SFMBT1: variants seen among roughly 807,000 people sequenced by gnomAD.
SFMBT1 encodes scm-like with four MBT domains protein 1.
In SFMBT1, 32 loss-of-function variants were observed where a neutral mutation model predicts 108.7. The observed-to-expected ratio is 0.29, with a 90% CI of 0.22 to 0.40. The LOEUF (loss-of-function observed/expected upper bound fraction) is 0.40, where lower values mean the gene tolerates loss of function less well. Among genes scored for constraint, SFMBT1 ranks in the 10% least tolerant of loss-of-function variants. SFMBT1 has a pLI of 1.00. For missense variants in SFMBT1, 816 were observed against 1,059.6 expected (o/e 0.77, Z 3.19); for synonymous variants, 348 against 369.5 (o/e 0.94, Z 0.67).
intron 15 of SFMBT1, 47 bp from the exon 16 acceptor site, chr3:52,912,694 C>A: frequency 2.2e-6 from 3 of 1,384,464 alleles, no homozygotes; most frequent in Non-Finnish European, 3.1e-6. Flanking sequence ...AGGAGAAAAG[C>A]AGACCATTAG....
intron 1 of SFMBT1, among the ~76,000 whole-genome samples, chr3:53,000,675 T>C (rs1698516207): frequency 6.7e-6 from 1 of 149,914 alleles, no homozygotes; most frequent in Non-Finnish European, 1.5e-5. Context: ...AAAACGTAAA[T>C]TAGTACAGGT....
At chr3:53,030,278 G>C (rs923738431) in intron 1 of SFMBT1, among the ~76,000 whole-genome samples, 3 of 152,036 alleles carry the variant, frequency 2.0e-5, no homozygotes, top group African/African-American at 7.2e-5. Flanking sequence ...TTTTAATATG[G>C]ATGCGGAAAT....
chr3:52,968,705 T>C (rs1704235877), intron 2 of SFMBT1, among the ~76,000 whole-genome samples: 1 of 150,764 alleles, frequency 6.6e-6, no homozygotes, highest in Non-Finnish European at 1.5e-5. Context: ...GTTCACACCA[T>C]TCTCCTGCCC....
At chr3:52,937,586 T>A (rs1194370398) in intron 4 of SFMBT1, among the ~76,000 whole-genome samples, 2 of 152,094 alleles carry the variant, frequency 1.3e-5, no homozygotes, top group Admixed American at 6.5e-5. Context: ...AAATGATTCA[T>A]TCTTTTTTTT....
chr3:53,004,242 C>CT (rs1698661298), intron 1 of SFMBT1, among the ~76,000 whole-genome samples: 1 of 104,726 alleles, frequency 9.5e-6, no homozygotes, highest in South Asian at 5.0e-4. Flanking sequence ...TCCTCCTTCC[C>CT]TTCTTTCTTC....
rs757567961 is a variant in SFMBT1, at chr3:52,905,217, G to C, written c.2520C>G (p.Asp840Glu). The C allele has an allele frequency of 6.2e-7, 1 of 1,614,100 alleles. No individual in the cohort carries two copies. The highest frequency in any genetic ancestry group is 8.5e-7 in the Non-Finnish European group (1 of 1,179,984). ...GTTTGATGGCAGGGCCCAATTTTAA[G>C]TCCATGCATTCTTGAACAGTGGGAA... ...LTLPTVQECM[D>E]LKLGPAIKLC... The change falls in exon 21 of 21, where the codon GAC becomes GAG. Residue 840 changes from aspartate to glutamate, a missense_variant. Physicochemically the swap from Asp to Glu is conservative, Grantham distance 45 (BLOSUM62 2). Coordinates refer to ENST00000394752, the MANE Select transcript of SFMBT1 (RefSeq NM_016329.4).
chr3:52,982,859 GAA>G (rs76764384), intron 1 of SFMBT1, among the ~76,000 whole-genome samples: 90,227 of 150,950 alleles, frequency 0.6, 27,339 homozygotes, highest in Middle Eastern at 0.67. Flanking sequence ...TGCCAATAAA[GAA>G]GAAGATGTAG....
intron 3 of SFMBT1, among the ~76,000 whole-genome samples, chr3:52,946,029 C>A (rs983960299): frequency 6.6e-6 from 1 of 152,140 alleles, no homozygotes; most frequent in Non-Finnish European, 1.5e-5. Context: ...TATCATGCAG[C>A]CTTGATTTCA....
At chr3:52,916,840 T>A (rs1012109768) in intron 13 of SFMBT1, among the ~76,000 whole-genome samples, 8 of 152,148 alleles carry the variant, frequency 5.3e-5, no homozygotes, top group East Asian at 1.9e-4. Context: ...GGCAAAAAAA[T>A]TACAAAATTT....
intron 3 of SFMBT1, among the ~76,000 whole-genome samples, chr3:52,952,419 C>A (rs1703626587): frequency 6.6e-6 from 1 of 152,108 alleles, no homozygotes. Flanking sequence ...AACTGTTCAC[C>A]CCAAAATTTG....
chr3:52,999,922 A>T (rs1469653687), intron 1 of SFMBT1, among the ~76,000 whole-genome samples: 3 of 150,064 alleles, frequency 2.0e-5, no homozygotes, highest in African/African-American at 7.3e-5. Context: ...GCAGTGGCAC[A>T]ATCTCGGCTC....
In SFMBT1 at chr3:53,019,128, GA is replaced by G. The variant is rs1273622036; in HGVS notation, c.-131+26687del. 1.6e-4 allele frequency: 24 copies of G among 152,146 alleles called. No homozygotes were observed. In the East Asian group the frequency reaches 4.2e-3, roughly 27 times the overall value. 9.4% of individuals were successfully genotyped at this position (152,146 alleles called of 1,614,324 possible). On this transcript the variant is annotated intron_variant, in intron 1 of 20. Coordinates refer to ENST00000394752, the MANE Select transcript of SFMBT1 (RefSeq NM_016329.4). ...AACACAGTGAGACTTCGTTTCTACA[GA>G]AAAAAATTTTTTTAATTAACTGGAT...
At chr3:53,006,324 T>C (rs530962413) in intron 1 of SFMBT1, among the ~76,000 whole-genome samples, 3 of 152,186 alleles carry the variant, frequency 2.0e-5, no homozygotes, top group Non-Finnish European at 2.9e-5. Context: ...AGGGGATGTT[T>C]ACTTTAGCAA....
At chr3:53,004,342 A>C (rs1397381717) in intron 1 of SFMBT1, among the ~76,000 whole-genome samples, 1 of 147,222 alleles carries the variant, frequency 6.8e-6, no homozygotes, top group Non-Finnish European at 1.5e-5. Context: ...GCGTGATCTC[A>C]GCTCACTGAA....
intron 1 of SFMBT1, among the ~76,000 whole-genome samples, chr3:52,989,669 C>T (rs868385487): frequency 2.0e-5 from 3 of 151,258 alleles, no homozygotes; most frequent in Non-Finnish European, 4.4e-5. Context: ...CATGGTGGCG[C>T]GCGCCTGTAG....
At chr3:52,978,782 A>G (rs998420678) in intron 1 of SFMBT1, among the ~76,000 whole-genome samples, 14 of 152,264 alleles carry the variant, frequency 9.2e-5, no homozygotes, top group Non-Finnish European at 1.6e-4. Flanking sequence ...TCAGCCATAA[A>G]AAGAAATGAA....
chr3:53,024,096 A>G (rs76553845), intron 1 of SFMBT1, among the ~76,000 whole-genome samples: 1,835 of 152,278 alleles, frequency 0.012, 18 homozygotes, highest in South Asian at 0.028. Flanking sequence ...TAAAACACAT[A>G]GTGTGTAACA....
intron 2 of SFMBT1, among the ~76,000 whole-genome samples, chr3:52,957,933 T>C (rs541757265): frequency 5.4e-4 from 82 of 152,250 alleles, no homozygotes; most frequent in Non-Finnish European, 9.4e-4. Context: ...TCAAAAGCAA[T>C]TGCAACAAAA....
At chr3:52,919,147 C>G (rs1252392046) in intron 12 of SFMBT1, among the ~76,000 whole-genome samples, 1 of 152,162 alleles carries the variant, frequency 6.6e-6, no homozygotes, top group Non-Finnish European at 1.5e-5. Flanking sequence ...ATATATAAAA[C>G]TTAACCCAAA....
Sources: allele counts gnomAD v4.1 joint callset (sites outside exome capture counted in the v4.1 genomes callset), GRCh38; gene constraint gnomAD v4.1.1; transcripts MANE v1.5; gene names NCBI Gene and HGNC (gene_info 2026-07-23, HGNC 2026-07-21).